Variants in PTPRM observed in about 807,000 individuals in gnomAD.
PTPRM encodes the protein receptor-type tyrosine-protein phosphatase mu.
Under a neutral mutation model 186.7 loss-of-function variants are expected in PTPRM, and 47 were observed. The ratio of observed to expected loss-of-function variants is 0.25; its 90% CI spans 0.20 to 0.32. PTPRM has a LOEUF of 0.32. PTPRM is among the 10% of genes least tolerant of loss of function. PTPRM has a pLI of 1.00. For missense variants in PTPRM, 1,494 were observed against 1,865.0 expected, an observed-to-expected ratio of 0.80 and a Z score of 3.66; for synonymous variants, 668 against 674.9, an observed-to-expected ratio of 0.99 and a Z score of 0.16.
intron 1 of PTPRM, among the ~76,000 whole-genome samples, chr18:7,578,627 G>A (rs528148147): frequency 2.0e-5 from 3 of 148,688 alleles, no homozygotes; most frequent in South Asian, 2.2e-4. Flanking sequence ...GAGCCACAGC[G>A]CCTGGCCAAT....
At chr18:7,752,697 C>T (rs1226988994) in intron 1 of PTPRM, among the ~76,000 whole-genome samples, 1 of 152,108 alleles carries the variant, frequency 6.6e-6, no homozygotes, top group African/African-American at 2.4e-5. Context: ...CCTACCTCGG[C>T]CTCCTAAGTG....
intron 9 of PTPRM, among the ~76,000 whole-genome samples, chr18:8,080,843 T>C (rs1480887501): frequency 2.0e-5 from 3 of 152,184 alleles, no homozygotes; most frequent in East Asian, 1.9e-4. Flanking sequence ...GCCAAGAGCC[T>C]TCTGAGCCAT....
chr18:8,112,330 T>C (rs2091792053), intron 11 of PTPRM, among the ~76,000 whole-genome samples: 1 of 152,186 alleles, frequency 6.6e-6, no homozygotes, highest in Non-Finnish European at 1.5e-5. Flanking sequence ...GTTCTATGAG[T>C]GCAGATTCAG....
chr18:8,108,032 A>G (rs1474440241), intron 11 of PTPRM, among the ~76,000 whole-genome samples: 4 of 152,188 alleles, frequency 2.6e-5, no homozygotes, highest in African/African-American at 4.8e-5. Context: ...TTAGGAAAAG[A>G]CAATGTCAGA....
intron 23 of PTPRM, among the ~76,000 whole-genome samples, chr18:8,368,179 T>C (rs972565362): frequency 1.3e-5 from 2 of 151,254 alleles, no homozygotes; most frequent in African/African-American, 4.9e-5. Flanking sequence ...TCCCCCAATA[T>C]ACAGAAGAAT....
At chr18:7,607,610 C>G (rs1328583009) in intron 1 of PTPRM, among the ~76,000 whole-genome samples, 1 of 152,198 alleles carries the variant, frequency 6.6e-6, no homozygotes, top group Non-Finnish European at 1.5e-5. Flanking sequence ...GAGTACAGTT[C>G]TAGTGATCTC....
At position 8,244,182 on chromosome 18, in the gene PTPRM, A is replaced by C; in HGVS notation, c.2425A>C (p.Met809Leu). 6.3e-7 allele frequency: 1 copy of C among 1,593,236 alleles called. No homozygotes were observed. Among genetic ancestry groups the C allele is most frequent in the African/African-American group, 1.4e-5 (1 of 73,528 alleles). Reference protein sequence around the residue: ...GTNCDEAFSFMDTHNLNGRSV... With the variant: ...GTNCDEAFSFLDTHNLNGRSV... The stretch of plus-strand genomic sequence containing the variant: ...AAACTGCGACGAGGCTTTCTCATTC[A>C]TGGACACGCACAATCTGAATGGGAG... Residue 809 changes from methionine to leucine, a missense_variant, in exon 15 of 33, where the codon ATG becomes CTG. Met to Leu is a conservative substitution (Grantham distance 15). Transcript: ENST00000580170.
intron 7 of PTPRM, among the ~76,000 whole-genome samples, chr18:8,067,649 G>T (rs181995393): frequency 1.3e-5 from 2 of 152,076 alleles, no homozygotes; most frequent in East Asian, 3.9e-4. Context: ...CAGGTAAAAA[G>T]GGGGGATTTT....
intron 7 of PTPRM, among the ~76,000 whole-genome samples, chr18:7,956,368 C>G (rs1414247596): frequency 1.3e-5 from 2 of 152,130 alleles, no homozygotes; most frequent in Non-Finnish European, 2.9e-5. Flanking sequence ...ACCATTGTAG[C>G]TGGTTTTTAA....
At chr18:7,598,874 A>G (rs2037332178) in intron 1 of PTPRM, among the ~76,000 whole-genome samples, 1 of 151,154 alleles carries the variant, frequency 6.6e-6, no homozygotes, top group African/African-American at 2.4e-5. Flanking sequence ...ATACCCAGTT[A>G]CTTAATAGTA....
intron 7 of PTPRM, among the ~76,000 whole-genome samples, chr18:8,057,315 G>C (rs73387708): frequency 0.03 from 4,563 of 149,972 alleles, 228 homozygotes; most frequent in African/African-American, 0.11. Context: ...TTTTCAATGT[G>C]TTTTAAAGGT....
At chr18:7,857,423 T>C (rs1433626112) in intron 2 of PTPRM, among the ~76,000 whole-genome samples, 1 of 152,222 alleles carries the variant, frequency 6.6e-6, no homozygotes, top group African/African-American at 2.4e-5. Flanking sequence ...GCTGGGATGC[T>C]GGCTTCAGGG....
At chr18:8,109,509 AGT>A (rs1346619646) in intron 11 of PTPRM, among the ~76,000 whole-genome samples, 4 of 152,164 alleles carry the variant, frequency 2.6e-5, no homozygotes, top group Non-Finnish European at 5.9e-5. Context: ...TCTGGAGTAG[AGT>A]GTATAATAGA....
intron 3 of PTPRM, among the ~76,000 whole-genome samples, chr18:7,889,539 A>AT (rs1555634013): frequency 1.4e-4 from 21 of 151,734 alleles, no homozygotes; most frequent in Non-Finnish European, 5.9e-5. Flanking sequence ...GGGCCTTGCT[A>AT]TGTTGCCCAG....
chr18:7,608,896 G>C (rs975890652), intron 1 of PTPRM, among the ~76,000 whole-genome samples: 3 of 152,106 alleles, frequency 2.0e-5, no homozygotes, highest in African/African-American at 7.2e-5. Context: ...TTCCCAGTTA[G>C]AACAGATGTA....
At chr18:7,890,622 G>T (rs1456191135) in intron 3 of PTPRM, among the ~76,000 whole-genome samples, 1 of 152,054 alleles carries the variant, frequency 6.6e-6, no homozygotes, top group East Asian at 1.9e-4. Flanking sequence ...TTTTAAAATT[G>T]TTAAAAAATT....
At chr18:7,713,951 A>G (rs1490971575) in intron 1 of PTPRM, among the ~76,000 whole-genome samples, 1 of 152,062 alleles carries the variant, frequency 6.6e-6, no homozygotes, top group Non-Finnish European at 1.5e-5. Flanking sequence ...CCCACTGTCA[A>G]TATTAGATTG....
At chr18:8,266,295 G>T (rs564712340) in intron 19 of PTPRM, among the ~76,000 whole-genome samples, 2 of 147,418 alleles carry the variant, frequency 1.4e-5, no homozygotes, top group East Asian at 2.0e-4. Context: ...GGGCAACCCC[G>T]CTTGGGTCCC....
chr18:8,162,816 A>C (rs1340535245), intron 14 of PTPRM, among the ~76,000 whole-genome samples: 1 of 152,202 alleles, frequency 6.6e-6, no homozygotes, highest in Admixed American at 6.5e-5. Flanking sequence ...GAGGGAATAA[A>C]AATTTAAACA....
Sources: allele counts gnomAD v4.1 joint callset (sites outside exome capture counted in the v4.1 genomes callset), GRCh38; gene constraint gnomAD v4.1.1; transcripts MANE v1.5; gene names NCBI Gene and HGNC (gene_info 2026-07-23, HGNC 2026-07-21).